Variants in NKAIN2 observed in about 807,000 individuals in gnomAD.
The protein encoded by NKAIN2 is sodium/potassium transporting ATPase interacting 2, also known as sodium/potassium-transporting ATPase subunit beta-1-interacting protein 2.
In NKAIN2, 14 loss-of-function variants were observed where a neutral mutation model predicts 32.6. That is an observed-to-expected ratio of 0.43 (90% confidence interval 0.28 to 0.67). NKAIN2 has a LOEUF of 0.67. NKAIN2 is among the 30% of genes least tolerant of loss of function. NKAIN2 has a pLI of 0.17. For synonymous variants in NKAIN2, 80 were observed against 87.2 expected (o/e 0.92, Z 0.46); for missense variants, 198 against 258.3 (o/e 0.77, Z 1.60).
intron 1 of NKAIN2, among the ~76,000 whole-genome samples, chr6:123,870,549 CCT>C (rs1772818116): frequency 1.3e-5 from 2 of 152,128 alleles, no homozygotes; most frequent in Non-Finnish European, 2.9e-5. Context: ...TGTGGACCAT[CCT>C]AATGCCCGCC....
At chr6:123,886,506 C>A (rs1012097364) in intron 1 of NKAIN2, among the ~76,000 whole-genome samples, 1 of 152,054 alleles carries the variant, frequency 6.6e-6, no homozygotes, top group African/African-American at 2.4e-5. Flanking sequence ...ATGCAGAATG[C>A]ATCAAGTCTG....
At chr6:123,916,784 T>G (rs1412672790) in intron 1 of NKAIN2, among the ~76,000 whole-genome samples, 1 of 148,992 alleles carries the variant, frequency 6.7e-6, no homozygotes, top group Non-Finnish European at 1.5e-5. Flanking sequence ...TATGTATCTA[T>G]GTATCTATCT....
chr6:123,901,206 C>T (rs894883442), intron 1 of NKAIN2, among the ~76,000 whole-genome samples: 2 of 152,136 alleles, frequency 1.3e-5, no homozygotes, highest in Non-Finnish European at 2.9e-5. Context: ...TTGTTTTGTG[C>T]TCCTGTCCCT....
chr6:123,885,964 AG>A (rs1166476394), intron 1 of NKAIN2, among the ~76,000 whole-genome samples: 2 of 151,002 alleles, frequency 1.3e-5, no homozygotes, highest in Non-Finnish European at 3.0e-5. Context: ...AAAAAAAAAA[AG>A]AACAAGAGTC....
chr6:123,901,307 T>A (rs1038060837), intron 1 of NKAIN2, among the ~76,000 whole-genome samples: 3 of 152,150 alleles, frequency 2.0e-5, no homozygotes, highest in East Asian at 1.9e-4. Flanking sequence ...TTTAGTGATA[T>A]CATTTTTTTC....
chr6:124,543,389 A>G (rs1779977982), intron 3 of NKAIN2, among the ~76,000 whole-genome samples: 2 of 152,186 alleles, frequency 1.3e-5, no homozygotes, highest in African/African-American at 4.8e-5. Context: ...AATTGCCTAC[A>G]GGCTTAATGA....
intron 1 of NKAIN2, among the ~76,000 whole-genome samples, chr6:123,836,441 CA>C (rs2114925032): frequency 6.6e-6 from 1 of 152,104 alleles, no homozygotes; most frequent in South Asian, 2.1e-4. Context: ...CATTCTTCCC[CA>C]AAATCTATAG....
chr6:123,908,992 G>A (rs1775027191), intron 1 of NKAIN2, among the ~76,000 whole-genome samples: 2 of 152,136 alleles, frequency 1.3e-5, no homozygotes, highest in Non-Finnish European at 2.9e-5. Flanking sequence ...CAGAAACTAT[G>A]TCAGAAATTC....
intron 1 of NKAIN2, among the ~76,000 whole-genome samples, chr6:124,027,838 C>A (rs1196866492): frequency 6.6e-6 from 1 of 152,140 alleles, no homozygotes; most frequent in Non-Finnish European, 1.5e-5. Context: ...TATATCCATT[C>A]TTTGCACTTC....
At chr6:124,343,645 G>A (rs1017699664) in intron 2 of NKAIN2, among the ~76,000 whole-genome samples, 2 of 150,182 alleles carry the variant, frequency 1.3e-5, no homozygotes, top group African/African-American at 4.8e-5. Context: ...AGAAGTGTCT[G>A]TTGATATCCT....
At chr6:124,441,609 T>C (rs770603601) in intron 3 of NKAIN2, among the ~76,000 whole-genome samples, 2 of 152,056 alleles carry the variant, frequency 1.3e-5, no homozygotes, top group Non-Finnish European at 2.9e-5. Context: ...TGAGAGCCAG[T>C]ATCTATTTCC....
chr6:124,233,126 C>A (rs534537320), intron 1 of NKAIN2, among the ~76,000 whole-genome samples: 3 of 151,822 alleles, frequency 2.0e-5, no homozygotes, highest in South Asian at 4.2e-4. Flanking sequence ...ATTACCACAA[C>A]AATCAAAATT....
chr6:124,543,442 A>C (rs1779979896), intron 3 of NKAIN2, among the ~76,000 whole-genome samples: 1 of 152,212 alleles, frequency 6.6e-6, no homozygotes, highest in Non-Finnish European at 1.5e-5. Flanking sequence ...TTTTTATTAG[A>C]TATAACTTCT....
At chr6:124,556,163 CCTA>C (rs1233383099) in intron 3 of NKAIN2, among the ~76,000 whole-genome samples, 2 of 150,628 alleles carry the variant, frequency 1.3e-5, no homozygotes, top group African/African-American at 4.9e-5. Context: ...CTACTTTTAT[CCTA>C]CTTTCTCCTT....
At chr6:123,856,288 T>C (rs886400975) in intron 1 of NKAIN2, among the ~76,000 whole-genome samples, 2 of 152,224 alleles carry the variant, frequency 1.3e-5, no homozygotes, top group African/African-American at 4.8e-5. Context: ...AGAATGTTAT[T>C]GTTAAGCCGA....
intron 1 of NKAIN2, among the ~76,000 whole-genome samples, chr6:123,867,696 A>T (rs1398227393): frequency 6.6e-6 from 1 of 152,074 alleles, no homozygotes; most frequent in Non-Finnish European, 1.5e-5. Context: ...GTACTTTGAC[A>T]CCTTTGTTTC....
At chr6:123,810,113 G>T (rs1773397373) in intron 1 of NKAIN2, among the ~76,000 whole-genome samples, 1 of 151,844 alleles carries the variant, frequency 6.6e-6, no homozygotes, top group African/African-American at 2.4e-5. Context: ...ATCCTATGAG[G>T]CAGGTAATAG....
intron 4 of NKAIN2, among the ~76,000 whole-genome samples, chr6:124,786,242 T>C (rs1371927492): frequency 6.6e-6 from 1 of 152,098 alleles, no homozygotes; most frequent in East Asian, 1.9e-4. Flanking sequence ...TGTACTTTTT[T>C]GAGTACCAAA....
rs111388025 is a variant in NKAIN2, at chr6:124,697,957, G to A, written c.474+39571G>A. On this transcript the variant is annotated intron_variant, in intron 4 of 6. Coordinates refer to ENST00000368417, the MANE Select transcript of NKAIN2 (RefSeq NM_001040214.3). ...TTACATTCAGAAGTCTTAGTTTGAT[G>A]GGGTTGTACGATCCCTGACTTCATT... Among the ~76,000 whole-genome samples, 1,072 of 152,188 alleles carry A rather than the reference G, an allele frequency of 7.0e-3. 19 individuals carry two copies. Among genetic ancestry groups the A allele is most frequent in the African/African-American group, 0.025 (1,031 of 41,524 alleles).
Sources: allele counts gnomAD v4.1 joint callset (sites outside exome capture counted in the v4.1 genomes callset), GRCh38; gene constraint gnomAD v4.1.1; transcripts MANE v1.5; gene names NCBI Gene and HGNC (gene_info 2026-07-23, HGNC 2026-07-21).